The following ARPC1B variants were observed in gnomAD, a reference collection of about 807,000 sequenced individuals.
ARPC1B encodes the protein actin related protein 2/3 complex subunit 1B.
ARPC1B carries 29 observed loss-of-function variants against 46.0 expected under a neutral mutation model. The observed-to-expected ratio is 0.63, with a 90% CI of 0.47 to 0.86. The LOEUF (loss-of-function observed/expected upper bound fraction) is 0.86, where lower values mean the gene tolerates loss of function less well. Ranked by LOEUF, ARPC1B falls within the 40% of genes least tolerant of loss-of-function variation. The pLI is 0.00. For missense variants in ARPC1B, 469 were observed against 529.4 expected, an observed-to-expected ratio of 0.89 and a Z score of 1.12; for synonymous variants, 201 against 213.9, an observed-to-expected ratio of 0.94 and a Z score of 0.53.
chr7:99,389,856 T>C (rs1584409174), intron 4 of ARPC1B, 49 bp from the exon 5 acceptor site: 1 of 1,507,346 alleles, frequency 6.6e-7, no homozygotes, highest in Non-Finnish European at 9.2e-7. Context: ...GGTCCATGAG[T>C]CCCACCTGCC....
chr7:99,392,642 C>T lies in ARPC1B; in HGVS notation c.784-29C>T, dbSNP rs1379481667. Reference sequence around the variant, plus strand: ...TCCGGCCTCGGTTTCCCCTCCGCGGCGCTCCAATGGCCCCCGCCCTCCGCG... The same window carrying T: ...TCCGGCCTCGGTTTCCCCTCCGCGGTGCTCCAATGGCCCCCGCCCTCCGCG... On this transcript the variant is annotated intron_variant, in intron 7 of 9. Coordinates refer to ENST00000646101, the MANE Select transcript of ARPC1B (RefSeq NM_005720.4). 4.8e-6 allele frequency: 7 copies of T among 1,450,928 alleles called. No individual in the cohort carries two copies. The East Asian group carries it at 1.3e-4, about 28-fold the overall frequency. The allele number at this position is 1,450,928 out of a possible 1,614,324, so 89.9% of individuals were successfully genotyped here. A position where few individuals can be genotyped will look rare whatever the true frequency, so the allele number is the denominator to read the frequency against.
At chr7:99,390,137 G>C in intron 5 of ARPC1B, 125 bp downstream of exon 5, 1 of 802,992 alleles carries the variant, frequency 1.2e-6, no homozygotes, top group Non-Finnish European at 2.0e-6. Context: ...TGCTACCAGT[G>C]GATGACCTGG....
intron 3 of ARPC1B, among the ~76,000 whole-genome samples, chr7:99,387,676 C>T (rs1427132960): frequency 1.4e-5 from 2 of 147,842 alleles, no homozygotes; most frequent in African/African-American, 5.2e-5. Flanking sequence ...GATGGTGGTT[C>T]CAGTGAGCTG....
Position 99,392,809 on chromosome 7 carries a change from AAGGCG to A in ARPC1B, c.925_929del (p.Ala309LeufsTer147). ...CGAGCGCTTCCAGAACCTGGACAAG[AAGGCG>A]AGCTCCGAGGGTGGCACGGCTGCGG... On this transcript the variant is annotated frameshift_variant, in exon 8 of 10. Transcript: ENST00000646101. LOFTEE classifies it high-confidence loss of function. 2 of 1,550,218 alleles carry A rather than the reference AAGGCG, an allele frequency of 1.3e-6. No homozygotes were observed. Among genetic ancestry groups the A allele is most frequent in the Non-Finnish European group, 1.7e-6 (2 of 1,146,802 alleles).
Position 99,389,899 on chromosome 7 carries a change from TC to T in ARPC1B, c.393-3del. 6.2e-7 allele frequency: 1 copy of T among 1,612,894 alleles called. No individual in the cohort carries two copies. The highest frequency in any genetic ancestry group is 8.5e-7 in the Non-Finnish European group (1 of 1,178,968). ...CTCTCCCTGTCTGCCTGACCACCGTTCCCAGGTGGGTTTGCAAGCACATCAA... is the reference window on the plus strand; with the variant it reads ...CTCTCCCTGTCTGCCTGACCACCGTTCCAGGTGGGTTTGCAAGCACATCAA... On this transcript the variant is annotated splice_polypyrimidine_tract_variant and splice_region_variant and intron_variant, in intron 4 of 9. Transcript: ENST00000646101.
At chr7:99,390,049 G>A (rs138646635) in intron 5 of ARPC1B, 37 bp downstream of exon 5, 63 of 1,560,804 alleles carry the variant, frequency 4.0e-5, no homozygotes, top group Middle Eastern at 1.7e-4. Flanking sequence ...CGGGGCTGAC[G>A]TCAACTGACT....
intron 1 of ARPC1B, among the ~76,000 whole-genome samples, chr7:99,375,021 C>A (rs1445968339): frequency 7.8e-6 from 1 of 128,306 alleles, no homozygotes; most frequent in African/African-American, 3.0e-5. Context: ...GAGGGGCTCA[C>A]GGAAAGGAGA....
At chr7:99,375,517 TA>T (rs1400214555) in intron 1 of ARPC1B, among the ~76,000 whole-genome samples, 6 of 152,042 alleles carry the variant, frequency 3.9e-5, no homozygotes, top group African/African-American at 1.4e-4. Context: ...CCAGGCCGCC[TA>T]GGGCGGGGCG....
intron 1 of ARPC1B, among the ~76,000 whole-genome samples, chr7:99,381,575 CATG>C (rs1794223553): frequency 6.6e-6 from 1 of 152,146 alleles, no homozygotes; most frequent in African/African-American, 2.4e-5. Context: ...ATGGAGGAAA[CATG>C]AGGTCCCTGC....
intron 1 of ARPC1B, among the ~76,000 whole-genome samples, chr7:99,377,806 T>G (rs1247138756): frequency 2.6e-5 from 4 of 151,766 alleles, no homozygotes; most frequent in Non-Finnish European, 2.9e-5. Context: ...AGATAAATTT[T>G]GTATTTTTAG....
At chr7:99,383,984 A>G (rs1463412130) in intron 1 of ARPC1B, 4 of 152,258 alleles carry the variant, frequency 2.6e-5, no homozygotes, top group Admixed American at 6.5e-5. Flanking sequence ...AGGTTAAAAG[A>G]AGGCAGGTGA....
chr7:99,383,136 T>A (rs976151366), intron 1 of ARPC1B, among the ~76,000 whole-genome samples: 1 of 152,120 alleles, frequency 6.6e-6, no homozygotes, highest in Non-Finnish European at 1.5e-5. Context: ...TGAGCCACCG[T>A]GCCTGGCCTC....
At chr7:99,377,336 AGT>A (rs1278148643) in intron 1 of ARPC1B, 3 of 140,278 alleles carry the variant, frequency 2.1e-5, no homozygotes, top group Non-Finnish European at 4.6e-5. Context: ...TTTTTGAGAC[AGT>A]GTCTTGTTCT....
intron 3 of ARPC1B, 40 bp from the exon 4 acceptor site, chr7:99,387,999 A>T (rs779790569): frequency 7.2e-7 from 1 of 1,383,462 alleles, no homozygotes; most frequent in Non-Finnish European, 1.0e-6. Flanking sequence ...CCTCTGCCTG[A>T]GTGTCATCAG....
Position 99,392,688 on chromosome 7 carries a change from G to A in ARPC1B, c.801G>A (p.Pro267=). The A allele has an allele frequency of 3.3e-6, 5 of 1,536,922 alleles. No individual in the cohort carries two copies. The highest frequency in any genetic ancestry group is 1.4e-5 in the African/African-American group (1 of 72,758). ...SLVAAGHDCF[P]VLFTYDAAAG... ...CCGCGCAGGGCCACGACTGCTTCCC[G>A]GTGCTGTTCACCTATGACGCCGCCG... The change falls in exon 8 of 10, where the codon CCG becomes CCA. Residue 267 remains proline, a synonymous_variant. Transcript: ENST00000646101.
upstream of ARPC1B, chr7:99,374,718 G>A (rs571165030): frequency 1.3e-5 from 2 of 151,700 alleles, no homozygotes; most frequent in Admixed American, 6.6e-5. This position sits in a 1 kb window ranked among gnomAD's most constrained non-coding sequence, Gnocchi z 5.0. Context: ...CTGCTGCTCC[G>A]GCGCGGAGCC....
rs780914634 is a variant in ARPC1B at position 99,392,713 on chromosome 7, G to A, written c.826G>A (p.Ala276Thr). ...FPVLFTYDAA[A>T]GMLSFGGRLD... ...GGTGCTGTTCACCTATGACGCCGCC[G>A]CGGGGATGCTGAGCTTCGGCGGGCG... The change falls in exon 8 of 10, where the codon GCG (alanine) becomes ACG (threonine). Residue 276 changes from alanine (A) to threonine (T), a missense_variant. Coordinates refer to ENST00000646101, the MANE Select transcript of ARPC1B (RefSeq NM_005720.4). The A allele has an allele frequency of 4.9e-5, 76 of 1,546,918 alleles. No individual in the cohort carries two copies. The South Asian group carries it at 8.3e-4, about 17-fold the overall frequency.
intron 7 of ARPC1B, 135 bp from the exon 8 acceptor site, chr7:99,392,536 G>A (rs1472312624): frequency 5.2e-6 from 4 of 770,196 alleles, no homozygotes; most frequent in Non-Finnish European, 7.9e-6. Context: ...CCTGCAATTC[G>A]GGCCTCCCTC....
chr7:99,387,829 G>A (rs930601175), intron 3 of ARPC1B, among the ~76,000 whole-genome samples: 1 of 151,640 alleles, frequency 6.6e-6, no homozygotes, highest in African/African-American at 2.4e-5. Context: ...GAACCTGGGA[G>A]GCAGAGGCTG....
Sources: gnomAD v4.1 joint callset for allele counts (sites outside exome capture counted in the v4.1 genomes callset) on GRCh38, gnomAD v4.1.1 for gene constraint, Gnocchi (gnomAD v3.1) non-coding constraint, MANE v1.5 for transcripts, NCBI Gene and HGNC (gene_info 2026-07-23, HGNC 2026-07-21) for gene names.